IMMT: variants seen among roughly 807,000 people sequenced by gnomAD.
IMMT encodes the protein inner membrane mitochondrial protein.
Under a neutral mutation model 92.7 loss-of-function variants are expected in IMMT, and 40 were observed. That is an observed-to-expected ratio of 0.43 (90% CI 0.34 to 0.56). IMMT has a LOEUF of 0.56. Ranked by LOEUF, IMMT falls within the 20% of genes least tolerant of loss-of-function variation. The probability of loss-of-function intolerance (pLI) is 0.03; values close to 1 mark genes in which losing one functional copy is unlikely to be tolerated. For synonymous variants in IMMT, 322 were observed against 336.1 expected (o/e 0.96, Z 0.46); for missense variants, 831 against 912.1 (o/e 0.91, Z 1.14).
chr2:86,154,173 TTTC>T (rs1675685056), intron 10 of IMMT, among the ~76,000 whole-genome samples: 1 of 113,728 alleles, frequency 8.8e-6, no homozygotes, highest in South Asian at 2.8e-4. Context: ...AACCTAAACA[TTTC>T]TTTTTTTTTT....
chr2:86,148,948 G>A (rs1004413735), intron 12 of IMMT, among the ~76,000 whole-genome samples: 7 of 152,178 alleles, frequency 4.6e-5, no homozygotes, highest in Non-Finnish European at 8.8e-5. Context: ...TGGTGCTTAG[G>A]GCAGACGAAC....
At chr2:86,169,531 A>C (rs1446473171) in intron 6 of IMMT, among the ~76,000 whole-genome samples, 1 of 152,176 alleles carries the variant, frequency 6.6e-6, no homozygotes, top group Non-Finnish European at 1.5e-5. Flanking sequence ...TGACAAGGAG[A>C]TCAAAAAACT....
Position 86,195,344 on chromosome 2 carries a change from G to T in IMMT, c.39C>A (p.Ala13=). ...RACQLSGVTA[A]AQSCLCGKFV... ...CGGGAGCCCCAGTGCTCACCTGGGC[G>T]GCGGCGGTCACACCCGATAACTGAC... is the stretch of plus-strand genomic sequence containing the variant. The change falls in exon 1 of 15, where the codon GCC becomes GCA. Residue 13 remains alanine (A), a synonymous_variant. Transcript: ENST00000410111. 1 of 1,549,292 alleles carries T rather than the reference G, an allele frequency of 6.5e-7. No individual in the cohort carries two copies. Among genetic ancestry groups the T allele is most frequent in the Non-Finnish European group, 8.7e-7 (1 of 1,146,194 alleles).
intron 1 of IMMT, among the ~76,000 whole-genome samples, chr2:86,183,046 T>G (rs977285421): frequency 6.6e-6 from 1 of 152,224 alleles, no homozygotes; most frequent in Non-Finnish European, 1.5e-5. Flanking sequence ...TATTTTTATA[T>G]GTCAACAATT....
At chr2:86,187,915 G>GA (rs903605522) in intron 1 of IMMT, among the ~76,000 whole-genome samples, 489 of 127,006 alleles carry the variant, frequency 3.9e-3, no homozygotes, top group Admixed American at 4.5e-3. Flanking sequence ...TCTGTCTCCA[G>GA]AAAAAAAAAA....
At position 86,181,335 on chromosome 2, in the gene IMMT, C is replaced by G; in HGVS notation, c.83G>C (p.Arg28Pro). 1 of 1,613,646 alleles carries G rather than the reference C, an allele frequency of 6.2e-7. No homozygotes were observed. Among genetic ancestry groups the G allele is most frequent in the Non-Finnish European group, 8.5e-7 (1 of 1,179,750 alleles). ...TGAAGTAGAGTATCTGCGGCATGGT[C>G]GCAATGGACGGAGGACAAACTTCCC... ...LCGKFVLRPL[R>P]PCRRYSTSGS... The change falls in exon 2 of 15, where the codon CGA becomes CCA. Residue 28 changes from arginine (R) to proline (P), a missense_variant. By Grantham distance (103) the Arg-to-Pro change is moderately radical. Transcript: ENST00000410111.
At chr2:86,177,681 T>C (rs1677528042) in intron 3 of IMMT, among the ~76,000 whole-genome samples, 1 of 152,172 alleles carries the variant, frequency 6.6e-6, no homozygotes, top group Non-Finnish European at 1.5e-5. Context: ...TAGTACAAGA[T>C]ATCCTGTCAA....
chr2:86,195,132 A>C (rs1384915002), intron 1 of IMMT: 2 of 503,840 alleles, frequency 4.0e-6, no homozygotes, highest in Non-Finnish European at 7.2e-6. Context: ...TCCACACCCC[A>C]CCCCGCTGCT....
At chr2:86,169,248 A>G (rs1206948607) in intron 6 of IMMT, among the ~76,000 whole-genome samples, 1 of 152,230 alleles carries the variant, frequency 6.6e-6, no homozygotes, top group East Asian at 1.9e-4. Context: ...AGTGATAAAG[A>G]GAGAAAAGTG....
At chr2:86,163,959 C>CAAAAA (rs70953998) in intron 7 of IMMT, among the ~76,000 whole-genome samples, 2 of 91,928 alleles carry the variant, frequency 2.2e-5, no homozygotes, top group Non-Finnish European at 4.6e-5. Flanking sequence ...ACTCCATCTC[C>CAAAAA]AAAAAAAAAG....
At chr2:86,190,761 G>A (rs1428583274) in intron 1 of IMMT, among the ~76,000 whole-genome samples, 3 of 152,178 alleles carry the variant, frequency 2.0e-5, no homozygotes, top group Non-Finnish European at 4.4e-5. Context: ...AGCCCAAGGC[G>A]GGCAGATCAC....
chr2:86,195,224 G>T, intron 1 of IMMT, 114 bp downstream of exon 1: 1 of 1,151,398 alleles, frequency 8.7e-7, no homozygotes, highest in Non-Finnish European at 1.2e-6. Context: ...CGACGAGGGT[G>T]GCCCTGAGGC....
intron 5 of IMMT, 84 bp downstream of exon 5, chr2:86,171,124 T>C (rs1677053387): frequency 8.4e-7 from 1 of 1,195,664 alleles, no homozygotes; most frequent in Non-Finnish European, 1.2e-6. Context: ...AAATGTATAC[T>C]TAGTGTCTAC....
At chr2:86,166,287 C>T (rs896666116) in intron 7 of IMMT, among the ~76,000 whole-genome samples, 2 of 152,126 alleles carry the variant, frequency 1.3e-5, no homozygotes, top group East Asian at 3.9e-4. Context: ...GCCGAGATCG[C>T]ACCACTGGAC....
At chr2:86,186,187 T>G (rs1221042735) in intron 1 of IMMT, among the ~76,000 whole-genome samples, 3 of 152,188 alleles carry the variant, frequency 2.0e-5, no homozygotes, top group Non-Finnish European at 2.9e-5. Flanking sequence ...CATAGTAGGA[T>G]CTGATTCAGA....
intron 6 of IMMT, among the ~76,000 whole-genome samples, chr2:86,170,267 A>C (rs1676990786): frequency 6.6e-6 from 1 of 152,094 alleles, no homozygotes; most frequent in Non-Finnish European, 1.5e-5. Context: ...AATTTTTAAA[A>C]AATTAGCTGG....
rs897716345 is a variant in IMMT, at chr2:86,194,997, A to C, written c.45+341T>G. On this transcript the variant is annotated intron_variant, in intron 1 of 14. Transcript: ENST00000410111. ...CTGTAGTTCTCGCCCGTCGACCTTC[A>C]GCACTGAAAACCTATCGCGCGCCCA... is the stretch of plus-strand genomic sequence containing the variant. The C allele has an allele frequency of 1.2e-4, 36 of 300,520 alleles. 1 individual carries two copies. In the East Asian group the frequency reaches 2.0e-3, roughly 17 times the overall value. 18.6% of individuals were successfully genotyped at this position (300,520 alleles called of 1,614,324 possible).
At chr2:86,153,236 A>C (rs1675604061) in intron 11 of IMMT, among the ~76,000 whole-genome samples, 1 of 151,366 alleles carries the variant, frequency 6.6e-6, no homozygotes, top group Non-Finnish European at 1.5e-5. Context: ...GGGTCCTGGA[A>C]GTTCTTTAGT....
At position 86,166,603 on chromosome 2, in the gene IMMT, T is replaced by C. The variant is rs779760544; in HGVS notation, c.697A>G (p.Ser233Gly). The C allele has an allele frequency of 1.2e-6, 2 of 1,613,258 alleles. No individual in the cohort carries two copies. The highest frequency in any genetic ancestry group is 1.7e-4 in the Middle Eastern group (1 of 5,998). ...SLEDALRQTA[S>G]VTLQAIAAQN... The stretch of plus-strand genomic sequence containing the variant: ...GCTGCAATAGCCTGCAGAGTGACAC[T>C]TGCAGTTTGCCTCAGAGCATCTTCT... Residue 233 changes from serine (S) to glycine (G), a missense_variant, in exon 7 of 15, where the codon AGT (serine) becomes GGT (glycine). Ser to Gly is a moderately conservative substitution (Grantham distance 56). Transcript: ENST00000410111.
Sources: allele counts gnomAD v4.1 joint callset (sites outside exome capture counted in the v4.1 genomes callset), GRCh38; gene constraint gnomAD v4.1.1; transcripts MANE v1.5; gene names NCBI Gene and HGNC (gene_info 2026-07-23, HGNC 2026-07-21).